The following ITGBL1 variants were observed in gnomAD, a reference collection of about 807,000 sequenced individuals.
The protein encoded by ITGBL1 is integrin subunit beta like 1.
ITGBL1 carries 51 observed loss-of-function variants against 68.5 expected under a neutral mutation model. The observed-to-expected ratio is 0.74, with a 90% CI of 0.59 to 0.94. The LOEUF (loss-of-function observed/expected upper bound fraction) is 0.94. ITGBL1 is among the 40% of genes least tolerant of loss of function. The pLI is 0.00. For missense variants in ITGBL1, 649 were observed against 647.4 expected (o/e 1.00, Z -0.03); for synonymous variants, 209 against 227.3 (o/e 0.92, Z 0.72).
At chr13:101,646,931 A>G (rs1439685555) in intron 7 of ITGBL1, among the ~76,000 whole-genome samples, 1 of 152,180 alleles carries the variant, frequency 6.6e-6, no homozygotes, top group Non-Finnish European at 1.5e-5. Context: ...TTTATAACAT[A>G]TATTGTATAT....
chr13:101,558,174 C>T (rs1291407452), intron 2 of ITGBL1, among the ~76,000 whole-genome samples: 3 of 144,072 alleles, frequency 2.1e-5, no homozygotes, highest in Non-Finnish European at 4.5e-5. Context: ...ACTTTTATTG[C>T]AAAAGAGGTG....
At chr13:101,461,816 C>G (rs1160047457) in intron 2 of ITGBL1, among the ~76,000 whole-genome samples, 2 of 152,130 alleles carry the variant, frequency 1.3e-5, no homozygotes, top group Non-Finnish European at 2.9e-5. Context: ...ATATCCTGCC[C>G]TTGTATTATT....
intron 2 of ITGBL1, among the ~76,000 whole-genome samples, chr13:101,493,366 G>A (rs185368547): frequency 2.0e-5 from 3 of 151,674 alleles, no homozygotes; most frequent in African/African-American, 2.4e-5. Flanking sequence ...AAGCTATTTC[G>A]ATTACATAGT....
intron 7 of ITGBL1, among the ~76,000 whole-genome samples, chr13:101,602,567 A>C (rs2030448810): frequency 6.6e-6 from 1 of 152,042 alleles, no homozygotes; most frequent in Non-Finnish European, 1.5e-5. Flanking sequence ...TCTTTTTTAA[A>C]AAATATATGT....
At position 101,572,419 on chromosome 13, in the gene ITGBL1, G is replaced by A. The variant is rs76890019; in HGVS notation, c.464-3005G>A. Among the ~76,000 whole-genome samples, 1,080 of 152,180 alleles carry A rather than the reference G, an allele frequency of 7.1e-3. 18 individuals are homozygous for A. Among genetic ancestry groups the A allele is most frequent in the African/African-American group, 0.025 (1,029 of 41,536 alleles). The stretch of plus-strand genomic sequence containing the variant: ...GTGTGCAGAGCAGGGTGAGGCCCCG[G>A]CACCACTGTACAGGAGTGTGGGCTG... On this transcript the variant is annotated intron_variant, in intron 3 of 10. Coordinates refer to ENST00000376180, the MANE Select transcript of ITGBL1 (RefSeq NM_004791.3).
At chr13:101,552,912 TTCTC>T (rs2049944134) in intron 2 of ITGBL1, among the ~76,000 whole-genome samples, 1 of 152,210 alleles carries the variant, frequency 6.6e-6, no homozygotes, top group African/African-American at 2.4e-5. Context: ...AGTAAAAATG[TTCTC>T]TCTGTCTATG....
chr13:101,550,553 G>T (rs2049904555), intron 2 of ITGBL1, among the ~76,000 whole-genome samples: 1 of 152,106 alleles, frequency 6.6e-6, no homozygotes, highest in African/African-American at 2.4e-5. Context: ...CATGTCTTCT[G>T]CCAGAATCCG....
Position 101,706,870 on chromosome 13 carries a change from A to T in ITGBL1, c.1247A>T (p.Glu416Val). 1 of 1,614,152 alleles carries T rather than the reference A, an allele frequency of 6.2e-7. No homozygotes were observed. Among genetic ancestry groups the T allele is most frequent in the Non-Finnish European group, 8.5e-7 (1 of 1,180,008 alleles). Residue 416 changes from glutamate to valine, a missense_variant, in exon 9 of 11, where the codon GAA (glutamate) becomes GTA (valine). By Grantham distance (121) the Glu-to-Val change is moderately radical. Coordinates refer to ENST00000376180, the MANE Select transcript of ITGBL1 (RefSeq NM_004791.3). ...MTEEQSKNLC[E>V]SADGILCSGK... Reference sequence around the variant, plus strand: ...GAAGAACAAAGCAAGAATCTGTGTGAATCAGCAGATGGCATATTGTGCTCG... The same window carrying T: ...GAAGAACAAAGCAAGAATCTGTGTGTATCAGCAGATGGCATATTGTGCTCG...
chr13:101,676,332 A>G (rs145816211), intron 7 of ITGBL1, among the ~76,000 whole-genome samples: 7 of 152,242 alleles, frequency 4.6e-5, no homozygotes, highest in Non-Finnish European at 8.8e-5. Flanking sequence ...AGATATATAG[A>G]TATAGATATA....
intron 2 of ITGBL1, among the ~76,000 whole-genome samples, chr13:101,514,163 C>A (rs568397366): frequency 6.6e-6 from 1 of 151,982 alleles, no homozygotes; most frequent in East Asian, 1.9e-4. Flanking sequence ...CTATCCTAAA[C>A]GTCCCCATAT....
chr13:101,689,850 A>T (rs888618938), intron 7 of ITGBL1, among the ~76,000 whole-genome samples: 47 of 152,206 alleles, frequency 3.1e-4, no homozygotes, highest in Non-Finnish European at 3.1e-4. Flanking sequence ...TATCCTTTTG[A>T]GTTACAAATA....
intron 2 of ITGBL1, among the ~76,000 whole-genome samples, chr13:101,459,588 C>G (rs1378012058): frequency 6.6e-6 from 1 of 151,774 alleles, no homozygotes; most frequent in African/African-American, 2.4e-5. Flanking sequence ...ACAAAAGATA[C>G]AAAAATTAGC....
chr13:101,496,503 TG>T (rs2048859757), intron 2 of ITGBL1, among the ~76,000 whole-genome samples: 1 of 152,194 alleles, frequency 6.6e-6, no homozygotes, highest in South Asian at 2.1e-4. Context: ...TGCATGATAA[TG>T]GGGCACAGTG....
At chr13:101,580,351 G>A (rs1238630310) in intron 5 of ITGBL1, among the ~76,000 whole-genome samples, 2 of 152,064 alleles carry the variant, frequency 1.3e-5, no homozygotes, top group Non-Finnish European at 2.9e-5. Context: ...AAATAAAAAG[G>A]CAGGAACTTG....
chr13:101,500,513 T>G (rs2048924836), intron 2 of ITGBL1, among the ~76,000 whole-genome samples: 1 of 152,230 alleles, frequency 6.6e-6, no homozygotes. Flanking sequence ...CTTCAGAGAT[T>G]ATTATTCTTT....
chr13:101,490,056 GT>G, intron 2 of ITGBL1: 1 of 1,044,986 alleles, frequency 9.6e-7, no homozygotes, highest in Non-Finnish European at 1.4e-6. Context: ...CTGAATATTT[GT>G]TTACCCCCAA....
chr13:101,617,989 T>G (rs1360614416), intron 7 of ITGBL1, among the ~76,000 whole-genome samples: 2 of 152,176 alleles, frequency 1.3e-5, no homozygotes, highest in African/African-American at 4.8e-5. Flanking sequence ...TACTTAATCA[T>G]TCACTCAATG....
At chr13:101,469,320 T>C (rs2048425586) in intron 2 of ITGBL1, among the ~76,000 whole-genome samples, 1 of 152,188 alleles carries the variant, frequency 6.6e-6, no homozygotes, top group African/African-American at 2.4e-5. Flanking sequence ...TGAAGGCTTA[T>C]GGGGACATCC....
chr13:101,651,179 G>A (rs1343738280), intron 7 of ITGBL1, among the ~76,000 whole-genome samples: 1 of 151,938 alleles, frequency 6.6e-6, no homozygotes, highest in Non-Finnish European at 1.5e-5. Flanking sequence ...GAAATTGCTG[G>A]GTCAAAGGGT....
Sources: gnomAD v4.1 joint callset for allele counts (sites outside exome capture counted in the v4.1 genomes callset) on GRCh38, gnomAD v4.1.1 for gene constraint, MANE v1.5 for transcripts, NCBI Gene and HGNC (gene_info 2026-07-23, HGNC 2026-07-21) for gene names.